Variants in CPT1B observed in about 807,000 individuals in gnomAD.
CPT1B encodes carnitine O-palmitoyltransferase 1, muscle isoform.
CPT1B carries 57 observed loss-of-function variants against 92.7 expected under a neutral mutation model. The observed-to-expected ratio is 0.62, with a 90% CI of 0.50 to 0.77. The LOEUF is 0.77. Ranked by LOEUF, CPT1B falls within the 30% of genes least tolerant of loss-of-function variation. The pLI is 0.00. For synonymous variants in CPT1B, 398 were observed against 383.5 expected (o/e 1.04, Z -0.44); for missense variants, 983 against 1,017.4 (o/e 0.97, Z 0.46).
Position 50,574,533 on chromosome 22 carries a change from A to AAT in CPT1B, c.844_845insAT (p.Ile282AsnfsTer16). The AAT allele has an allele frequency of 6.2e-7, 1 of 1,614,110 alleles. No individual in the cohort carries two copies. Among genetic ancestry groups the AAT allele is most frequent in the Non-Finnish European group, 8.5e-7 (1 of 1,180,014 alleles). ...ACGGTCCAGTTTACGGCGATACATGATCATGGCGTGGATGATGTTTCCCAG... is the reference window on the plus strand; with the variant it reads ...ACGGTCCAGTTTACGGCGATACATGAATTCATGGCGTGGATGATGTTTCCCAG... On this transcript the variant is annotated frameshift_variant, in exon 8 of 20. Transcript: ENST00000312108. LOFTEE classifies it high-confidence loss of function.
Position 50,576,130 on chromosome 22 carries a change from G to A in CPT1B, c.700-18C>T. 1 of 1,614,122 alleles carries A rather than the reference G, an allele frequency of 6.2e-7. No individual in the cohort carries two copies. The highest frequency in any genetic ancestry group is 1.1e-5 in the South Asian group (1 of 91,090). On this transcript the variant is annotated intron_variant, in intron 6 of 19. Transcript: ENST00000312108. ...TCACTCACCTGTGGGGAGGTGGAAG[G>A]TTAGAGCTGGGGCGGGTGCAGCCAG...
Position 50,572,032 on chromosome 22 carries a change from G to T in CPT1B, c.1549C>A (p.Arg517=). The T allele has an allele frequency of 6.2e-7, 1 of 1,614,120 alleles. No homozygotes were observed. ...KPNPALAPPT[R]LQWDIPKQCQ... ...TGTTTTGGAATGTCCCACTGCAGCC[G>T]TGTAGGAGGTGCGAGCGCAGGGTTC... Residue 517 remains arginine, a synonymous_variant, in exon 13 of 20, where the codon CGG becomes AGG. Coordinates refer to ENST00000312108, the MANE Select transcript of CPT1B (RefSeq NM_152246.3).
At chr22:50,576,419 C>A (rs2070439416) in intron 5 of CPT1B, 84 bp from the exon 6 acceptor site, 1 of 1,606,194 alleles carries the variant, frequency 6.2e-7, no homozygotes, top group Admixed American at 1.7e-5. Flanking sequence ...TCCCTCCTCA[C>A]CCAGCCCCAT....
Position 50,576,923 on chromosome 22 carries a change from A to G in CPT1B, c.393T>C (p.Leu131=). The G allele has an allele frequency of 1.2e-6, 2 of 1,614,100 alleles. No individual in the cohort carries two copies. Among genetic ancestry groups the G allele is most frequent in the Non-Finnish European group, 1.7e-6 (2 of 1,180,024 alleles). The change falls in exon 4 of 20, where the codon CTT becomes CTC. Residue 131 remains leucine (L), a synonymous_variant. Coordinates refer to ENST00000312108, the MANE Select transcript of CPT1B (RefSeq NM_152246.3). ...CAAACATCCACCCATGGTAGCAGAG[A>G]AGCAGCTTCAGGGTTTGGCGGAAGA... ...IFFFRQTLKL[L]LCYHGWMFEM... is the part of the protein sequence containing the mutation.
In CPT1B at chr22:50,569,693, A is replaced by G. The variant is rs756951913; in HGVS notation, c.2143-25T>C. The G allele has an allele frequency of 5.1e-6, 8 of 1,576,118 alleles. No homozygotes were observed. In the East Asian group the frequency reaches 1.3e-4, roughly 26 times the overall value. On this transcript the variant is annotated intron_variant, in intron 17 of 19. Transcript: ENST00000312108. ...CCTGAGGGCAACAAGAAGGGTGAAG[A>G]AGGCATAAATCAAACCTTGAAGATC...
chr22:50,575,745 G>A (rs2070399828), intron 7 of CPT1B, among the ~76,000 whole-genome samples: 1 of 152,202 alleles, frequency 6.6e-6, no homozygotes, highest in South Asian at 2.1e-4. Context: ...ACCAAGGAAA[G>A]AGGTGACAGA....
In CPT1B at chr22:50,571,765, G is replaced by C; in HGVS notation, c.1576-226C>G. ...TGCTGAAAATGCTCCAGGGGCCTGT[G>C]AGTGCCTCCTCCATCTCATGGCTGT... On this transcript the variant is annotated intron_variant, in intron 13 of 19. Transcript: ENST00000312108. 4.3e-5 allele frequency: 28 copies of C among 644,728 alleles called. 1 individual carries two copies. In the South Asian group the frequency reaches 5.3e-4, roughly 12 times the overall value. The allele number at this position is 644,728 out of a possible 1,614,324, so 39.9% of individuals were successfully genotyped here.
intron 17 of CPT1B, 131 bp from the exon 18 acceptor site, chr22:50,569,799 C>T (rs1345564477): frequency 4.0e-6 from 3 of 746,860 alleles, no homozygotes; most frequent in East Asian, 5.1e-5. Context: ...TGCATTTTTC[C>T]TGAGGACCAC....
chr22:50,577,412 C>T lies in CPT1B; in HGVS notation c.193G>A (p.Val65Ile), dbSNP rs759626443. ...GAGGAACCCACTGTTGCCATGATGACGACCAGCCAGCTGGTGGGGCTGCCA... is the reference window on the plus strand; with the variant it reads ...GAGGAACCCACTGTTGCCATGATGATGACCAGCCAGCTGGTGGGGCTGCCA... Reference protein sequence around the residue: ...YPGSPTSWLVVIMATVGSSFC... With the variant: ...YPGSPTSWLVIIMATVGSSFC... The change falls in exon 3 of 20, where the codon GTC (valine) becomes ATC (isoleucine). Residue 65 changes from valine to isoleucine, a missense_variant. Val to Ile is a conservative substitution (Grantham distance 29). Transcript: ENST00000312108. 18 of 1,613,812 alleles carry T rather than the reference C, an allele frequency of 1.1e-5. No individual in the cohort carries two copies. The highest frequency in any genetic ancestry group is 8.0e-5 in the African/African-American group (6 of 74,952).
chr22:50,577,552 C>T, intron 2 of CPT1B, 89 bp from the exon 3 acceptor site: 2 of 1,539,704 alleles, frequency 1.3e-6, no homozygotes, highest in Non-Finnish European at 8.8e-7. Context: ...CTGGTCTTGG[C>T]CTGGAAGGCT....
At chr22:50,572,334 A>G (rs1165847734) in intron 11 of CPT1B, 26 bp from the exon 12 acceptor site, 1 of 1,536,076 alleles carries the variant, frequency 6.5e-7, no homozygotes, top group Admixed American at 1.7e-5. Flanking sequence ...ACACATGAAG[A>G]ACCAAAGCTG....
At chr22:50,574,842 G>A (rs1163001069) in intron 7 of CPT1B, 13 of 483,318 alleles carry the variant, frequency 2.7e-5, no homozygotes, top group African/African-American at 5.8e-5. Context: ...TTGCTCTGTC[G>A]CCCAGGCTGG....
At chr22:50,570,548 G>A (rs2070115581) in intron 16 of CPT1B, 142 bp from the exon 17 acceptor site, 1 of 672,956 alleles carries the variant, frequency 1.5e-6, no homozygotes, top group South Asian at 2.0e-5. Context: ...GGTCCCCTGT[G>A]CATCATGCCA....
chr22:50,576,967 A>G lies in CPT1B; in HGVS notation c.349T>C (p.Trp117Arg). 6.2e-7 allele frequency: 1 copy of G among 1,614,130 alleles called. No individual in the cohort carries two copies. Among genetic ancestry groups the G allele is most frequent in the East Asian group, 2.2e-5 (1 of 44,890 alleles). ...CGGAAGAAGAAGATGCCCGTCACCC[A>G]GACGCCCGTGGAGAAGATGGCCATG... ...LSMAIFSTGVWVTGIFFFRQT... is the reference protein window; with the variant it reads ...LSMAIFSTGVRVTGIFFFRQT... Residue 117 changes from tryptophan (W) to arginine (R), a missense_variant, in exon 4 of 20, where the codon TGG (tryptophan) becomes CGG (arginine). Physicochemically the swap from Trp to Arg is moderately radical, Grantham distance 101 (BLOSUM62 -3). Transcript: ENST00000312108.
At position 50,572,079 on chromosome 22, in the gene CPT1B, G is replaced by A; in HGVS notation, c.1502C>T (p.Thr501Ile). 6.2e-7 allele frequency: 1 copy of A among 1,614,170 alleles called. No homozygotes were observed. The highest frequency in any genetic ancestry group is 2.2e-5 in the East Asian group (1 of 44,890). Residue 501 changes from threonine to isoleucine, a missense_variant, in exon 13 of 20, where the codon ACC becomes ATC. Thr to Ile is a moderately conservative substitution (Grantham distance 89, BLOSUM62 -1). Transcript: ENST00000312108. ...GTTCGGTTTGCCCAGGCAGTGCCCG[G>A]TCTCCGTGTAGCCCAGGTGGAAGCT... is the stretch of plus-strand genomic sequence containing the variant. ...TDSFHLGYTE[T>I]GHCLGKPNPA...
At position 50,569,578 on chromosome 22, in the gene CPT1B, T is replaced by C. The variant is rs770622031; in HGVS notation, c.2233A>G (p.Thr745Ala). The C allele has an allele frequency of 1.2e-6, 2 of 1,613,700 alleles. No homozygotes were observed. Among genetic ancestry groups the C allele is most frequent in the Non-Finnish European group, 1.7e-6 (2 of 1,179,884 alleles). Reference sequence around the variant, plus strand: ...CTGAGCTGTGGCAGGAGACTCACCGTCTCTGAGCTTGAGAACTTGCTGGAG... The same window carrying C: ...CTGAGCTGTGGCAGGAGACTCACCGCCTCTGAGCTTGAGAACTTGCTGGAG... Reference protein sequence around the residue: ...HISSKFSSSETNAQRFGNHIR... With the variant: ...HISSKFSSSEANAQRFGNHIR... Residue 745 changes from threonine (T) to alanine (A), a missense_variant and splice_region_variant, in exon 18 of 20, where the codon ACG (threonine) becomes GCG (alanine). Coordinates refer to ENST00000312108, the MANE Select transcript of CPT1B (RefSeq NM_152246.3).
intron 9 of CPT1B, chr22:50,574,071 G>C: frequency 3.0e-6 from 2 of 668,882 alleles, no homozygotes; most frequent in Non-Finnish European, 2.7e-6. Flanking sequence ...TGGCAGCGCC[G>C]GGTCTGTCCT....
chr22:50,570,810 C>T (rs1409121040), intron 16 of CPT1B, 81 bp downstream of exon 16: 10 of 1,541,688 alleles, frequency 6.5e-6, no homozygotes, highest in Non-Finnish European at 8.8e-6. Flanking sequence ...GGAAAACAGG[C>T]CGTGCTCCAT....
intron 18 of CPT1B, 43 bp from the exon 19 acceptor site, chr22:50,569,464 C>T (rs2070050245): frequency 1.2e-6 from 2 of 1,611,152 alleles, no homozygotes; most frequent in African/African-American, 1.3e-5. Flanking sequence ...GATATGTACC[C>T]ACCCCTCTGT....
Sources: gnomAD v4.1 joint callset for allele counts (sites outside exome capture counted in the v4.1 genomes callset) on GRCh38, gnomAD v4.1.1 for gene constraint, MANE v1.5 for transcripts, NCBI Gene and HGNC (gene_info 2026-07-23, HGNC 2026-07-21) for gene names.